PTPRK: variants seen among roughly 807,000 people sequenced by gnomAD.
PTPRK encodes receptor-type tyrosine-protein phosphatase kappa.
PTPRK carries 75 observed loss-of-function variants against 178.0 expected under a neutral mutation model. The observed-to-expected ratio is 0.42, with a 90% CI of 0.35 to 0.51. PTPRK has a LOEUF of 0.51. PTPRK is among the 20% of genes least tolerant of loss of function. The pLI, the probability that PTPRK is intolerant of heterozygous loss-of-function variation, is 0.02. For synonymous variants in PTPRK, 637 were observed against 620.6 expected, an observed-to-expected ratio of 1.03 and a Z score of -0.39; for missense variants, 1,441 against 1,797.8, an observed-to-expected ratio of 0.80 and a Z score of 3.59.
At chr6:128,073,694 T>G (rs78470742) in intron 11 of PTPRK, among the ~76,000 whole-genome samples, 124 of 152,096 alleles carry the variant, frequency 8.2e-4, no homozygotes, top group African/African-American at 2.8e-3. Context: ...AGAAAGAAGA[T>G]TTAACAAGAA....
intron 6 of PTPRK, among the ~76,000 whole-genome samples, chr6:128,202,717 C>G (rs1031692396): frequency 1.3e-5 from 2 of 152,082 alleles, no homozygotes; most frequent in Non-Finnish European, 2.9e-5. Flanking sequence ...AAATAGAATC[C>G]CTGGATAGAC....
intron 7 of PTPRK, among the ~76,000 whole-genome samples, chr6:128,116,963 G>A (rs1791629015): frequency 6.6e-6 from 1 of 152,078 alleles, no homozygotes; most frequent in African/African-American, 2.4e-5. Flanking sequence ...TGGCTAATAT[G>A]GTGAAACCCT....
rs1036432613 is a variant in PTPRK at position 127,969,259 on chromosome 6, T to A, written c.*968A>T. 6 of 152,180 alleles carry A rather than the reference T, an allele frequency of 3.9e-5. No homozygotes were observed. The highest frequency in any genetic ancestry group is 1.4e-4 in the African/African-American group (6 of 41,446). 9.4% of individuals were successfully genotyped at this position (152,180 alleles called of 1,614,324 possible). ...TCAGCAAGGCCTTTTAATGTGTACA[T>A]TTCTCATGTATGATCACCAAACCAT... On this transcript the variant is annotated 3_prime_UTR_variant, in exon 30 of 30. Coordinates refer to ENST00000368226, the MANE Select transcript of PTPRK (RefSeq NM_002844.4).
intron 3 of PTPRK, among the ~76,000 whole-genome samples, chr6:128,297,671 A>T (rs1824727491): frequency 6.6e-6 from 1 of 152,214 alleles, no homozygotes; most frequent in Non-Finnish European, 1.5e-5. Flanking sequence ...TGTTCTTTGA[A>T]ACCAATGAGA....
At chr6:128,393,844 T>C (rs150878489) in intron 2 of PTPRK, among the ~76,000 whole-genome samples, 1 of 152,268 alleles carries the variant, frequency 6.6e-6, no homozygotes, top group African/African-American at 2.4e-5. Flanking sequence ...CAATTTACAT[T>C]GACATATCAG....
At chr6:128,205,608 A>T (rs190513869) in intron 6 of PTPRK, among the ~76,000 whole-genome samples, 286 of 151,750 alleles carry the variant, frequency 1.9e-3, no homozygotes, top group African/African-American at 6.2e-3. Flanking sequence ...CCCCATCTCT[A>T]TTAAAAATAC....
intron 1 of PTPRK, among the ~76,000 whole-genome samples, chr6:128,475,230 C>T (rs1409810488): frequency 6.6e-6 from 1 of 152,004 alleles, no homozygotes; most frequent in Non-Finnish European, 1.5e-5. Flanking sequence ...AAGGTAAGTA[C>T]CTCATTTAGT....
intron 13 of PTPRK, among the ~76,000 whole-genome samples, chr6:128,038,151 A>C (rs1193819896): frequency 6.6e-6 from 1 of 152,108 alleles, no homozygotes; most frequent in Non-Finnish European, 1.5e-5. Context: ...TATTTATCTA[A>C]CTTTTTTTTC....
intron 7 of PTPRK, among the ~76,000 whole-genome samples, chr6:128,157,663 T>G (rs1284066753): frequency 6.6e-6 from 1 of 152,010 alleles, no homozygotes; most frequent in Non-Finnish European, 1.5e-5. Flanking sequence ...CTCATTTTGG[T>G]TTTGATTTGC....
chr6:127,994,420 T>C (rs1211065030), intron 18 of PTPRK, among the ~76,000 whole-genome samples: 1 of 151,788 alleles, frequency 6.6e-6, no homozygotes, highest in Non-Finnish European at 1.5e-5. Context: ...GAGTGCTAAA[T>C]ATATGCTAGG....
chr6:128,479,056 G>C (rs1353322810), intron 1 of PTPRK, among the ~76,000 whole-genome samples: 1 of 151,948 alleles, frequency 6.6e-6, no homozygotes, highest in Admixed American at 6.6e-5. Context: ...CTGGAATAAA[G>C]CCTCAGCAAA....
intron 1 of PTPRK, among the ~76,000 whole-genome samples, chr6:128,415,179 C>T (rs1436081272): frequency 1.3e-5 from 2 of 152,162 alleles, no homozygotes; most frequent in Admixed American, 1.3e-4. Context: ...AAAACACAGA[C>T]AGTCAAGAGC....
chr6:128,331,041 C>G (rs1830208654), intron 2 of PTPRK, among the ~76,000 whole-genome samples: 1 of 152,092 alleles, frequency 6.6e-6, no homozygotes, highest in Non-Finnish European at 1.5e-5. Flanking sequence ...GTAGTTCCTT[C>G]CAGGGTTCTT....
At chr6:128,241,416 G>A (rs376797654) in intron 4 of PTPRK, 1 of 447,488 alleles carries the variant, frequency 2.2e-6, no homozygotes, top group East Asian at 5.9e-5. Flanking sequence ...TACCACAGCT[G>A]TAGGTGATTC....
chr6:128,492,310 A>C (rs1853923213), intron 1 of PTPRK, among the ~76,000 whole-genome samples: 1 of 152,148 alleles, frequency 6.6e-6, no homozygotes, highest in Non-Finnish European at 1.5e-5. Context: ...CCCCCAACTG[A>C]GTAGTTTGCC....
chr6:128,263,752 T>C (rs1818522820), intron 3 of PTPRK, among the ~76,000 whole-genome samples: 1 of 152,156 alleles, frequency 6.6e-6, no homozygotes, highest in Admixed American at 6.5e-5. Flanking sequence ...AAGCCGCTCT[T>C]GCACACCAGT....
intron 2 of PTPRK, among the ~76,000 whole-genome samples, chr6:128,358,996 T>C (rs1834336588): frequency 6.6e-6 from 1 of 152,146 alleles, no homozygotes. Flanking sequence ...TTGCTCCCGG[T>C]TTCTATCATG....
chr6:128,418,587 C>G (rs944673472), intron 1 of PTPRK, among the ~76,000 whole-genome samples: 1 of 152,154 alleles, frequency 6.6e-6, no homozygotes, highest in African/African-American at 2.4e-5. Context: ...TACCAGCCCC[C>G]CAATCCCTCA....
At chr6:128,321,938 A>T in intron 3 of PTPRK, 101 bp downstream of exon 3, 3 of 1,488,200 alleles carry the variant, frequency 2.0e-6, no homozygotes, top group Non-Finnish European at 2.8e-6. Flanking sequence ...GCAAGAGGGC[A>T]ATCTCTCATT....
Sources: allele counts gnomAD v4.1 joint callset (sites outside exome capture counted in the v4.1 genomes callset), GRCh38; gene constraint gnomAD v4.1.1; transcripts MANE v1.5; gene names NCBI Gene and HGNC (gene_info 2026-07-23, HGNC 2026-07-21).